Variants in PACRG observed in about 807,000 individuals in gnomAD.
The protein encoded by PACRG is parkin coregulated.
In PACRG, 29 loss-of-function variants were observed where a neutral mutation model predicts 29.7. The observed-to-expected ratio is 0.98, with a 90% CI of 0.73 to 1.33. The LOEUF is 1.33. Among genes scored for constraint, PACRG ranks in the 40% most tolerant of loss-of-function variants. The pLI is 0.00. For missense variants in PACRG, 279 were observed against 316.2 expected, an observed-to-expected ratio of 0.88 and a Z score of 0.89; for synonymous variants, 116 against 118.7, an observed-to-expected ratio of 0.98 and a Z score of 0.15.
At chr6:163,267,323 A>G (rs933927517) in intron 4 of PACRG, among the ~76,000 whole-genome samples, 4 of 152,198 alleles carry the variant, frequency 2.6e-5, no homozygotes, top group African/African-American at 9.6e-5. Flanking sequence ...TCATTTACCA[A>G]GAAACTATTG....
At chr6:163,114,909 CTTGA>C (rs1434075696) in intron 4 of PACRG, among the ~76,000 whole-genome samples, 1 of 151,162 alleles carries the variant, frequency 6.6e-6, no homozygotes, top group African/African-American at 2.4e-5. Flanking sequence ...TGCTAATTAG[CTTGA>C]TTATGATAAT....
At chr6:163,045,930 C>T (rs1809313969) in intron 2 of PACRG, among the ~76,000 whole-genome samples, 1 of 152,040 alleles carries the variant, frequency 6.6e-6, no homozygotes, top group African/African-American at 2.4e-5. Context: ...GATGATTCTA[C>T]CCCAAGATGT....
At chr6:163,053,193 C>T (rs966548039) in intron 2 of PACRG, among the ~76,000 whole-genome samples, 1 of 152,050 alleles carries the variant, frequency 6.6e-6, no homozygotes, top group Non-Finnish European at 1.5e-5. Context: ...TTTGTTGTCA[C>T]ATAAACCTTA....
At chr6:163,255,238 A>G (rs1324639760) in intron 4 of PACRG, among the ~76,000 whole-genome samples, 2 of 152,178 alleles carry the variant, frequency 1.3e-5, no homozygotes, top group Non-Finnish European at 2.9e-5. Flanking sequence ...AGCCCGAATA[A>G]AGAGGAAGAA....
intron 4 of PACRG, among the ~76,000 whole-genome samples, chr6:163,185,652 T>C (rs1779884268): frequency 6.6e-6 from 1 of 152,186 alleles, no homozygotes; most frequent in Non-Finnish European, 1.5e-5. Flanking sequence ...AATCGCGGCA[T>C]CATCAATTTA....
At chr6:162,924,066 G>A (rs35516377) in intron 2 of PACRG, among the ~76,000 whole-genome samples, 2,619 of 151,656 alleles carry the variant, frequency 0.017, 30 homozygotes, top group Non-Finnish European at 0.028. Context: ...AATTTCTTCC[G>A]CCAGTATTTT....
At chr6:162,750,200 A>G (rs1345853129) in intron 1 of PACRG, among the ~76,000 whole-genome samples, 2 of 152,202 alleles carry the variant, frequency 1.3e-5, no homozygotes, top group African/African-American at 2.4e-5. Context: ...CACATTTTAT[A>G]AGAAACCATA....
chr6:163,291,800 AG>A (rs1169999786), intron 4 of PACRG, among the ~76,000 whole-genome samples: 2 of 152,170 alleles, frequency 1.3e-5, no homozygotes, highest in African/African-American at 4.8e-5. Context: ...GAACTCCAGC[AG>A]GAAGAAATGA....
At chr6:163,231,851 A>G (rs1018855235) in intron 4 of PACRG, among the ~76,000 whole-genome samples, 2 of 152,220 alleles carry the variant, frequency 1.3e-5, no homozygotes, top group Non-Finnish European at 2.9e-5. Context: ...CAGGTTGGCC[A>G]TGATAAACAG....
intron 4 of PACRG, chr6:163,166,035 T>G (rs534817369): frequency 2.7e-5 from 12 of 449,444 alleles, no homozygotes; most frequent in African/African-American, 2.4e-4. Context: ...GCGCCCCGAT[T>G]TCATCTAAAT....
chr6:163,297,172 A>G (rs1784807648), intron 4 of PACRG, among the ~76,000 whole-genome samples: 1 of 152,218 alleles, frequency 6.6e-6, no homozygotes. Context: ...GACTATGTAA[A>G]GACTTTGTCT....
chr6:162,896,442 C>T (rs1182073447), intron 2 of PACRG, among the ~76,000 whole-genome samples: 3 of 152,142 alleles, frequency 2.0e-5, no homozygotes, highest in South Asian at 2.1e-4. Flanking sequence ...TCCGTAAGAA[C>T]GCATCCCACG....
At chr6:163,137,828 G>A (rs1816997750) in intron 4 of PACRG, among the ~76,000 whole-genome samples, 1 of 152,250 alleles carries the variant, frequency 6.6e-6, no homozygotes, top group Admixed American at 6.5e-5. Flanking sequence ...GCCCGGCCTG[G>A]CGCCACCGCG....
At chr6:162,831,912 T>C (rs983626496) in intron 2 of PACRG, among the ~76,000 whole-genome samples, 1 of 152,212 alleles carries the variant, frequency 6.6e-6, no homozygotes, top group African/African-American at 2.4e-5. Context: ...TTATCATTGA[T>C]GGGCATTTGG....
intron 3 of PACRG, among the ~76,000 whole-genome samples, chr6:163,088,183 C>A (rs749910133): frequency 3.9e-5 from 6 of 152,150 alleles, no homozygotes; most frequent in Non-Finnish European, 7.4e-5. Context: ...GATGTATTGA[C>A]CAAAGCATCA....
At chr6:162,829,583 G>A (rs745582396) in intron 2 of PACRG, among the ~76,000 whole-genome samples, 8 of 152,172 alleles carry the variant, frequency 5.3e-5, no homozygotes, top group Admixed American at 2.0e-4. Context: ...TGTGGTTTTG[G>A]TGAACGATGA....
chr6:163,102,603 A>C (rs1163003559), intron 4 of PACRG, among the ~76,000 whole-genome samples: 1 of 152,102 alleles, frequency 6.6e-6, no homozygotes, highest in Non-Finnish European at 1.5e-5. Flanking sequence ...AATGTATATG[A>C]TTTTTGCTAA....
chr6:163,163,305 T>A (rs1160438998), intron 4 of PACRG, among the ~76,000 whole-genome samples: 2 of 152,206 alleles, frequency 1.3e-5, no homozygotes, highest in Non-Finnish European at 2.9e-5. Context: ...AGAGTCTCAC[T>A]CTGTCACTCA....
Position 162,745,073 on chromosome 6 carries a change from C to T in PACRG, c.156+16682C>T, listed in dbSNP as rs1027980180. ...ATATATTTATACATTCAATGGATAACTTTCATATTTAATGGCCTTAAAATG... is the reference window on the plus strand; with the variant it reads ...ATATATTTATACATTCAATGGATAATTTTCATATTTAATGGCCTTAAAATG... On this transcript the variant is annotated intron_variant, in intron 1 of 4. Transcript: ENST00000366888. 5.3e-5 allele frequency among the ~76,000 whole-genome samples: 8 copies of T among 152,122 alleles called. No individual in the cohort carries two copies. The East Asian group carries it at 1.4e-3, about 26-fold the overall frequency.
Sources: allele counts gnomAD v4.1 joint callset (sites outside exome capture counted in the v4.1 genomes callset), GRCh38; gene constraint gnomAD v4.1.1; transcripts MANE v1.5; gene names NCBI Gene and HGNC (gene_info 2026-07-23, HGNC 2026-07-21).